Variants in CACNB3 observed in about 807,000 individuals in gnomAD.
CACNB3 encodes calcium voltage-gated channel auxiliary subunit beta 3, also known as voltage-dependent L-type calcium channel subunit beta-3.
CACNB3 carries 36 observed loss-of-function variants against 63.7 expected under a neutral mutation model. That is an observed-to-expected ratio of 0.57 (90% CI 0.43 to 0.75). The LOEUF is 0.75. Ranked by LOEUF, CACNB3 falls within the 30% of genes least tolerant of loss-of-function variation. The pLI, the probability that CACNB3 is intolerant of heterozygous loss-of-function variation, is 0.00. For synonymous variants in CACNB3, 241 were observed against 250.6 expected (o/e 0.96, Z 0.36); for missense variants, 493 against 648.6 (o/e 0.76, Z 2.61).
rs1938107563 is a variant in CACNB3 at position 48,825,833 on chromosome 12, C to T, written c.742+64C>T. The T allele has an allele frequency of 2.5e-6, 3 of 1,196,864 alleles. No homozygotes were observed. The highest frequency in any genetic ancestry group is 4.9e-5 in the East Asian group (2 of 40,812). The allele number at this position is 1,196,864 out of a possible 1,614,324, so 74.1% of individuals were successfully genotyped here. On this transcript the variant is annotated intron_variant, in intron 9 of 12. Coordinates refer to ENST00000301050, the MANE Select transcript of CACNB3 (RefSeq NM_000725.4). This position sits in a 1 kb window ranked among gnomAD's most constrained non-coding sequence, Gnocchi z 4.5. Reference sequence around the variant, plus strand: ...GTGCCAGTGAGAACCTTCCTCCTCCCTTTTCTTTTTTTTGAGATGGAGTCT... The same window carrying T: ...GTGCCAGTGAGAACCTTCCTCCTCCTTTTTCTTTTTTTTGAGATGGAGTCT...
In CACNB3 at chr12:48,826,397, T is replaced by G; in HGVS notation, c.773T>G (p.Phe258Cys). 1 of 1,614,130 alleles carries G rather than the reference T, an allele frequency of 6.2e-7. No homozygotes were observed. The highest frequency in any genetic ancestry group is 8.5e-7 in the Non-Finnish European group (1 of 1,180,014). The change falls in exon 10 of 13, where the codon TTT becomes TGT. Residue 258 changes from phenylalanine (F) to cysteine (C), a missense_variant. Transcript: ENST00000301050. The surrounding 1 kb of genome is among the most constrained non-coding windows in gnomAD (Gnocchi z 4.8). The stretch of plus-strand genomic sequence containing the variant: ...GTGCAGAGTGAGATCGAGCGCATAT[T>G]TGAGCTGGCCAAATCCCTGCAGCTA... ...AEVQSEIERI[F>C]ELAKSLQLVV...
At position 48,826,913 on chromosome 12, in the gene CACNB3, A is replaced by T. The variant is rs527430323; in HGVS notation, c.990+59A>T. The T allele has an allele frequency of 1.2e-6, 2 of 1,613,216 alleles. No individual in the cohort carries two copies. Among genetic ancestry groups the T allele is most frequent in the East Asian group, 2.2e-5 (1 of 44,866 alleles). Reference sequence around the variant, plus strand: ...TCCCCCAGGGCTGCGGCAGTGATAGAGATGGGTGGGGGGCTGCTACTGAGG... The same window carrying T: ...TCCCCCAGGGCTGCGGCAGTGATAGTGATGGGTGGGGGGCTGCTACTGAGG... On this transcript the variant is annotated intron_variant, in intron 11 of 12. Coordinates refer to ENST00000301050, the MANE Select transcript of CACNB3 (RefSeq NM_000725.4). The surrounding 1 kb of genome is among the most constrained non-coding windows in gnomAD (Gnocchi z 4.8).
chr12:48,827,559 A>G lies in CACNB3; in HGVS notation c.1141-26A>G, dbSNP rs368577248. 11 of 1,602,612 alleles carry G rather than the reference A, an allele frequency of 6.9e-6. No homozygotes were observed. The African/African-American group carries it at 1.5e-4, about 21-fold the overall frequency. On this transcript the variant is annotated intron_variant, in intron 12 of 12. Transcript: ENST00000301050. The stretch of plus-strand genomic sequence containing the variant: ...GACAAGGTGAGGTCTGTACTGCCTC[A>G]CTGAGAGCTGTTGTATGGCCCCCAG...
chr12:48,818,388 T>C (rs1243871610), upstream of CACNB3: 2 of 935,370 alleles, frequency 2.1e-6, no homozygotes, highest in Non-Finnish European at 2.6e-6. The surrounding 1 kb of genome is among the most constrained non-coding windows in gnomAD (Gnocchi z 4.3). Flanking sequence ...GCCGCAGCCC[T>C]TTGTTTCCCG....
chr12:48,816,072 C>T (rs1942281446), upstream of CACNB3, among the ~76,000 whole-genome samples: 1 of 152,170 alleles, frequency 6.6e-6, no homozygotes, highest in Non-Finnish European at 1.5e-5. Flanking sequence ...GTAGGGGCCT[C>T]CACCTGGTCC....
rs1205737221 is a variant in CACNB3 at position 48,825,479 on chromosome 12, A to C, written c.619A>C (p.Arg207=). ...GGCTCTCTTCGACTTCCTCAAACAC[A>C]GATTTGATGGCAGGTAAGCTGCCCT... is the stretch of plus-strand genomic sequence containing the variant. ...QKALFDFLKH[R]FDGRISITRV... Residue 207 remains arginine (R), a synonymous_variant, in exon 8 of 13, where the codon AGA becomes CGA. Transcript: ENST00000301050. This position sits in a 1 kb window ranked among gnomAD's most constrained non-coding sequence, Gnocchi z 4.5. 1 of 1,614,188 alleles carries C rather than the reference A, an allele frequency of 6.2e-7. No individual in the cohort carries two copies. Among genetic ancestry groups the C allele is most frequent in the East Asian group, 2.2e-5 (1 of 44,880 alleles).
chr12:48,828,502 A>C lies in CACNB3; in HGVS notation c.*603A>C, dbSNP rs1938269966. 6 of 360,708 alleles carry C rather than the reference A, an allele frequency of 1.7e-5. No individual in the cohort carries two copies. The Admixed American group carries it at 2.2e-4, about 13-fold the overall frequency. The allele number at this position is 360,708 out of a possible 1,614,324, so 22.3% of individuals were successfully genotyped here. A position where few individuals can be genotyped will look rare whatever the true frequency, so the allele number is the denominator to read the frequency against. On this transcript the variant is annotated 3_prime_UTR_variant, in exon 13 of 13. Transcript: ENST00000301050. ...GGCTGGCCACGCTCGGGCCAGAGAG[A>C]GCTCACAGCTGAAGCTCTTGGAGGG...
rs1357333408 is a variant in CACNB3, at chr12:48,827,747, G to A, written c.1303G>A (p.Asp435Asn). 1 of 1,614,136 alleles carries A rather than the reference G, an allele frequency of 6.2e-7. No homozygotes were observed. The highest frequency in any genetic ancestry group is 1.1e-5 in the South Asian group (1 of 91,092). The change falls in exon 13 of 13, where the codon GAC becomes AAC. Residue 435 changes from aspartate (D) to asparagine (N), a missense_variant. Physicochemically the swap from Asp to Asn is conservative, Grantham distance 23. Transcript: ENST00000301050. ...GGAGGACTATGCAGATGCCTACCAG[G>A]ACCTGTACCAGCCTCACCGCCAACA... The part of the protein sequence containing the change: ...LEEDYADAYQ[D>N]LYQPHRQHTS...
In CACNB3 at chr12:48,827,250, T is replaced by G. The variant is rs534828901; in HGVS notation, c.1140+127T>G. 31 of 1,172,464 alleles carry G rather than the reference T, an allele frequency of 2.6e-5. No individual in the cohort carries two copies. The South Asian group carries it at 3.9e-4, about 15-fold the overall frequency. 72.6% of individuals were successfully genotyped at this position (1,172,464 alleles called of 1,614,324 possible). On this transcript the variant is annotated intron_variant, in intron 12 of 12. Coordinates refer to ENST00000301050, the MANE Select transcript of CACNB3 (RefSeq NM_000725.4). Reference sequence around the variant, plus strand: ...AGGATTGTAGAACTCTCAGCTCTGCTGTACAGAGCTAGCACAGACGGGCAA... The same window carrying G: ...AGGATTGTAGAACTCTCAGCTCTGCGGTACAGAGCTAGCACAGACGGGCAA...
At chr12:48,819,725 T>G in intron 1 of CACNB3, 1 of 450,464 alleles carries the variant, frequency 2.2e-6, no homozygotes, top group Non-Finnish European at 4.4e-6. Context: ...GCTGAGGGCC[T>G]GGGGATGGAG....
chr12:48,826,768 C>T lies in CACNB3; in HGVS notation c.904C>T (p.Arg302Cys), dbSNP rs776692385. The T allele has an allele frequency of 5.0e-6, 8 of 1,613,596 alleles. No individual in the cohort carries two copies. Among genetic ancestry groups the T allele is most frequent in the South Asian group, 2.2e-5 (2 of 91,074 alleles). The change falls in exon 11 of 13, where the codon CGT (arginine) becomes TGT (cysteine). Residue 302 changes from arginine (R) to cysteine (C), a missense_variant. Physicochemically the swap from Arg to Cys is radical, Grantham distance 180. Transcript: ENST00000301050. The surrounding 1 kb of genome is among the most constrained non-coding windows in gnomAD (Gnocchi z 4.8). ...VKVSSPKVLQ[R>C]LIRSRGKSQM... ...TGCCCTCCCCGCTCAGGTACTCCAG[C>T]GTCTCATTCGCTCCCGGGGGAAGTC... is the stretch of plus-strand genomic sequence containing the variant.
rs1030089272 is a variant in CACNB3, at chr12:48,826,192, G to A, written c.743-175G>A. 6.3e-5 allele frequency: 40 copies of A among 631,182 alleles called. 1 individual carries two copies. The South Asian group carries it at 7.8e-4, about 12-fold the overall frequency. 39.1% of individuals were successfully genotyped at this position (631,182 alleles called of 1,614,324 possible). Reference sequence around the variant, plus strand: ...GCCCAACTCCTCTACCTGCCCCCAGGATTGGCAAGAACACACCCCTCCTCC... The same window carrying A: ...GCCCAACTCCTCTACCTGCCCCCAGAATTGGCAAGAACACACCCCTCCTCC... On this transcript the variant is annotated intron_variant, in intron 9 of 12. Transcript: ENST00000301050. The surrounding 1 kb of genome is among the most constrained non-coding windows in gnomAD (Gnocchi z 4.8).
In CACNB3 at chr12:48,826,901, C is replaced by T. The variant is rs199923053; in HGVS notation, c.990+47C>T. 11 of 1,609,980 alleles carry T rather than the reference C, an allele frequency of 6.8e-6. No individual in the cohort carries two copies. Among genetic ancestry groups the T allele is most frequent in the African/African-American group, 1.3e-5 (1 of 74,952 alleles). On this transcript the variant is annotated intron_variant, in intron 11 of 12. Transcript: ENST00000301050. This position sits in a 1 kb window ranked among gnomAD's most constrained non-coding sequence, Gnocchi z 4.8. ...TCCTGTGCCCACTCCCCCAGGGCTGCGGCAGTGATAGAGATGGGTGGGGGG... is the reference window on the plus strand; with the variant it reads ...TCCTGTGCCCACTCCCCCAGGGCTGTGGCAGTGATAGAGATGGGTGGGGGG...
At chr12:48,816,675 T>G (rs1467448205), upstream of CACNB3, among the ~76,000 whole-genome samples, 1 of 152,210 alleles carries the variant, frequency 6.6e-6, no homozygotes, top group African/African-American at 2.4e-5. Context: ...AACACATGCC[T>G]CAGGAGCAGA....
In CACNB3 at chr12:48,826,676, G is replaced by A; in HGVS notation, c.895-83G>A. On this transcript the variant is annotated intron_variant, in intron 10 of 12. Transcript: ENST00000301050. The surrounding 1 kb of genome is among the most constrained non-coding windows in gnomAD (Gnocchi z 4.8). ...TCACCTGCTACTGATGCCACAAGTG[G>A]AAGAAATGCCTAGCTCTGCCCGGGC... 1 of 1,438,262 alleles carries A rather than the reference G, an allele frequency of 7.0e-7. No homozygotes were observed. The highest frequency in any genetic ancestry group is 9.8e-7 in the Non-Finnish European group (1 of 1,023,430). The allele number at this position is 1,438,262 out of a possible 1,614,324, so 89.1% of individuals were successfully genotyped here. A position where few individuals can be genotyped will look rare whatever the true frequency, so the allele number is the denominator to read the frequency against.
chr12:48,817,052 T>C (rs1326196999), upstream of CACNB3: 2 of 969,802 alleles, frequency 2.1e-6, no homozygotes, highest in Admixed American at 6.1e-5. Flanking sequence ...GAATCCAGTA[T>C]ATGACCAAAC....
chr12:48,818,775 G>GCTCGCTCCCTCCTTCGCGCTCT lies in CACNB3; in HGVS notation c.-144_-123dup. 5 of 1,346,640 alleles carry GCTCGCTCCCTCCTTCGCGCTCT rather than the reference G, an allele frequency of 3.7e-6. No individual in the cohort carries two copies. Among genetic ancestry groups the GCTCGCTCCCTCCTTCGCGCTCT allele is most frequent in the African/African-American group, 1.6e-5 (1 of 64,214 alleles). 83.4% of individuals were successfully genotyped at this position (1,346,640 alleles called of 1,614,324 possible). ...GAGCTCCGAGCAGCTGGTCTTCGCGGCTCGCTCCCTCCTTCGCGCTCTCTC... is the reference window on the plus strand; with the variant it reads ...GAGCTCCGAGCAGCTGGTCTTCGCGGCTCGCTCCCTCCTTCGCGCTCTCTCGCTCCCTCCTTCGCGCTCTCTC... On this transcript the variant is annotated 5_prime_UTR_variant, in exon 1 of 13. Transcript: ENST00000301050. This position sits in a 1 kb window ranked among gnomAD's most constrained non-coding sequence, Gnocchi z 4.3.
chr12:48,824,772 T>TA, intron 5 of CACNB3, 39 bp downstream of exon 5: 1 of 1,592,178 alleles, frequency 6.3e-7, no homozygotes, highest in South Asian at 1.1e-5. Flanking sequence ...GGTAGGTGGG[T>TA]AGCTAAGACA....
chr12:48,825,739 A>G lies in CACNB3; in HGVS notation c.712A>G (p.Ile238Val), dbSNP rs1938101463. The G allele has an allele frequency of 6.2e-7, 1 of 1,614,096 alleles. No homozygotes were observed. Among genetic ancestry groups the G allele is most frequent in the Non-Finnish European group, 8.5e-7 (1 of 1,179,984 alleles). The change falls in exon 9 of 13, where the codon ATT becomes GTT. Residue 238 changes from isoleucine (I) to valine (V), a missense_variant. Physicochemically the swap from Ile to Val is conservative, Grantham distance 29 (BLOSUM62 3). Coordinates refer to ENST00000301050, the MANE Select transcript of CACNB3 (RefSeq NM_000725.4). The surrounding 1 kb of genome is among the most constrained non-coding windows in gnomAD (Gnocchi z 4.5). Reference protein sequence around the residue: ...VLNNPGKRTIIERSSARSSIA... With the variant: ...VLNNPGKRTIVERSSARSSIA... Reference sequence around the variant, plus strand: ...CAACAATCCGGGCAAGAGGACCATCATTGAGCGCTCCTCTGCCCGCTCCAG... The same window carrying G: ...CAACAATCCGGGCAAGAGGACCATCGTTGAGCGCTCCTCTGCCCGCTCCAG...
Sources: gnomAD v4.1 joint callset for allele counts (sites outside exome capture counted in the v4.1 genomes callset) on GRCh38, gnomAD v4.1.1 for gene constraint, Gnocchi (gnomAD v3.1) non-coding constraint, MANE v1.5 for transcripts, NCBI Gene and HGNC (gene_info 2026-07-23, HGNC 2026-07-21) for gene names.